The following INPP4B variants were observed in gnomAD, a reference collection of about 807,000 sequenced individuals.
INPP4B encodes the protein inositol polyphosphate 4-phosphatase type II.
Under a neutral mutation model 122.5 loss-of-function variants are expected in INPP4B, and 55 were observed. The ratio of observed to expected loss-of-function variants is 0.45; its 90% CI spans 0.36 to 0.56. INPP4B has a LOEUF of 0.56. Ranked by LOEUF, INPP4B falls within the 20% of genes least tolerant of loss-of-function variation. INPP4B has a pLI of 0.00. For synonymous variants in INPP4B, 403 were observed against 388.7 expected, an observed-to-expected ratio of 1.04 and a Z score of -0.43; for missense variants, 1,000 against 1,097.7, an observed-to-expected ratio of 0.91 and a Z score of 1.26.
intron 8 of INPP4B, among the ~76,000 whole-genome samples, chr4:142,312,140 A>G (rs1250980726): frequency 6.6e-6 from 1 of 152,184 alleles, no homozygotes; most frequent in African/African-American, 2.4e-5. Context: ...TTTTTCAAAG[A>G]TGAAGACGCA....
intron 16 of INPP4B, among the ~76,000 whole-genome samples, chr4:142,169,260 T>G (rs937935300): frequency 1.3e-5 from 2 of 151,684 alleles, no homozygotes; most frequent in Non-Finnish European, 1.5e-5. Flanking sequence ...ATTTCTGTCC[T>G]GAAATTTCAT....
intron 8 of INPP4B, among the ~76,000 whole-genome samples, chr4:142,313,422 C>T (rs1365520377): frequency 3.9e-5 from 6 of 152,042 alleles, no homozygotes; most frequent in Admixed American, 3.9e-4. Context: ...GAAGCAGTGC[C>T]AGGGGTGTGA....
intron 14 of INPP4B, among the ~76,000 whole-genome samples, chr4:142,207,570 G>T (rs763421118): frequency 6.6e-6 from 1 of 152,054 alleles, no homozygotes; most frequent in African/African-American, 2.4e-5. Flanking sequence ...ATAACTTCAG[G>T]CCCCCTAAAA....
At chr4:142,378,655 C>G (rs1792908681) in intron 7 of INPP4B, among the ~76,000 whole-genome samples, 1 of 152,176 alleles carries the variant, frequency 6.6e-6, no homozygotes, top group Non-Finnish European at 1.5e-5. Flanking sequence ...TGAATATTAA[C>G]ATTGCCCTAG....
At chr4:142,684,201 C>T (rs1759024731) in intron 2 of INPP4B, among the ~76,000 whole-genome samples, 1 of 152,028 alleles carries the variant, frequency 6.6e-6, no homozygotes, top group South Asian at 2.1e-4. Context: ...TGCCAGCCAA[C>T]AAGGTTGCCC....
At chr4:142,787,941 G>A (rs1775978188) in intron 1 of INPP4B, among the ~76,000 whole-genome samples, 1 of 151,754 alleles carries the variant, frequency 6.6e-6, no homozygotes, top group African/African-American at 2.4e-5. Context: ...GGGGGAGAGG[G>A]CAGAAATGTG....
intron 12 of INPP4B, among the ~76,000 whole-genome samples, chr4:142,215,415 G>A (rs1353788671): frequency 1.3e-5 from 2 of 152,158 alleles, no homozygotes; most frequent in Admixed American, 1.3e-4. Context: ...ATTTGTAAAC[G>A]TTCACGTGCT....
chr4:142,596,151 CT>C (rs1231771033), intron 2 of INPP4B, among the ~76,000 whole-genome samples: 1 of 151,876 alleles, frequency 6.6e-6, no homozygotes. Context: ...AGCCAAATTT[CT>C]TTTTTTTAAT....
At chr4:142,062,558 A>T (rs1440562761) in intron 25 of INPP4B, among the ~76,000 whole-genome samples, 1 of 152,132 alleles carries the variant, frequency 6.6e-6, no homozygotes, top group African/African-American at 2.4e-5. Flanking sequence ...CAACATGGTG[A>T]AATCCTGTCT....
chr4:142,724,262 T>A (rs1432302347), intron 2 of INPP4B, among the ~76,000 whole-genome samples: 1 of 152,132 alleles, frequency 6.6e-6, no homozygotes, highest in Non-Finnish European at 1.5e-5. Context: ...AGTATATTAG[T>A]ATATACATAT....
At position 142,389,251 on chromosome 4, in the gene INPP4B, G is replaced by GA. The variant is rs199976631; in HGVS notation, c.372+13686dup. 5.3e-3 allele frequency among the ~76,000 whole-genome samples: 475 copies of GA among 89,474 alleles called. 3 individuals carry two copies. Among genetic ancestry groups the GA allele is most frequent in the South Asian group, 0.011 (25 of 2,342 alleles). 58.7% of individuals were successfully genotyped at this position (89,474 alleles called of 152,430 possible). A position where few individuals can be genotyped will look rare whatever the true frequency, so the allele number is the denominator to read the frequency against. On this transcript the variant is annotated intron_variant, in intron 7 of 25. Coordinates refer to ENST00000262992, the MANE Select transcript of INPP4B (RefSeq NM_001101669.3). ...TGTGACAGAGCAAGACTCCATCTCA[G>GA]AAAAAAAAAAAAAAAAAGAAACTTA...
intron 7 of INPP4B, among the ~76,000 whole-genome samples, chr4:142,365,951 C>G (rs1322063811): frequency 6.6e-6 from 1 of 151,932 alleles, no homozygotes; most frequent in Non-Finnish European, 1.5e-5. Flanking sequence ...AGTGTTGGGG[C>G]AGCAACAATT....
At chr4:142,499,989 A>G (rs934977337) in intron 2 of INPP4B, among the ~76,000 whole-genome samples, 2 of 152,140 alleles carry the variant, frequency 1.3e-5, no homozygotes, top group African/African-American at 4.8e-5. Flanking sequence ...TCCCAGCCTT[A>G]GAAATGTAAG....
chr4:142,594,719 C>A (rs1013305849), intron 2 of INPP4B, among the ~76,000 whole-genome samples: 2 of 151,878 alleles, frequency 1.3e-5, no homozygotes, highest in Non-Finnish European at 2.9e-5. Context: ...ACTTTGGGAG[C>A]CCGAGGCGGT....
intron 7 of INPP4B, among the ~76,000 whole-genome samples, chr4:142,373,336 G>A (rs540200934): frequency 4.6e-4 from 70 of 152,066 alleles, no homozygotes; most frequent in African/African-American, 1.6e-3. Flanking sequence ...GTGTGTTTTC[G>A]TGAAATTGTT....
At chr4:142,826,724 T>C (rs557329179) in intron 1 of INPP4B, among the ~76,000 whole-genome samples, 2 of 152,282 alleles carry the variant, frequency 1.3e-5, no homozygotes, top group Non-Finnish European at 2.9e-5. Context: ...GTGTTTCCAT[T>C]CACTCTGATA....
intron 3 of INPP4B, among the ~76,000 whole-genome samples, chr4:142,444,004 T>C (rs904622366): frequency 6.6e-6 from 1 of 152,138 alleles, no homozygotes; most frequent in Non-Finnish European, 1.5e-5. Flanking sequence ...AAAGGGAATA[T>C]GCTAAAAACT....
chr4:142,726,182 T>C (rs1282036150), intron 1 of INPP4B, among the ~76,000 whole-genome samples: 1 of 152,164 alleles, frequency 6.6e-6, no homozygotes, highest in African/African-American at 2.4e-5. Context: ...TGAACAAAAC[T>C]GGCACTCGAG....
At chr4:142,791,409 A>C (rs1561073439) in intron 1 of INPP4B, among the ~76,000 whole-genome samples, 1 of 152,290 alleles carries the variant, frequency 6.6e-6, no homozygotes, top group East Asian at 1.9e-4. Context: ...GATTCTGCCT[A>C]TAGCATTAGC....
Sources: gnomAD v4.1 joint callset for allele counts (sites outside exome capture counted in the v4.1 genomes callset) on GRCh38, gnomAD v4.1.1 for gene constraint, MANE v1.5 for transcripts, NCBI Gene and HGNC (gene_info 2026-07-23, HGNC 2026-07-21) for gene names.